The following DIP2C variants were observed in gnomAD, a reference collection of about 807,000 sequenced individuals.
DIP2C encodes the protein disco-interacting protein 2 homolog C.
Under a neutral mutation model 192.4 loss-of-function variants are expected in DIP2C, and 33 were observed. The observed-to-expected ratio is 0.17, with a 90% CI of 0.13 to 0.23. DIP2C has a LOEUF of 0.23. DIP2C is among the 10% of genes least tolerant of loss of function. The probability of loss-of-function intolerance (pLI) is 1.00; values close to 1 mark genes in which losing one functional copy is unlikely to be tolerated. For missense variants in DIP2C, 1,537 were observed against 2,110.1 expected, an observed-to-expected ratio of 0.73 and a Z score of 5.32; for synonymous variants, 979 against 864.1, an observed-to-expected ratio of 1.13 and a Z score of -2.33.
chr10:548,911 C>CAAAAAAAAAAAAAAAAAAAAAAAAAAAAA (rs61437915), intron 1 of DIP2C, among the ~76,000 whole-genome samples: 2 of 26,458 alleles, frequency 7.6e-5, no homozygotes, highest in African/African-American at 1.3e-4. Flanking sequence ...TAGCAGCTCA[C>CAAAAAAAAAAAAAAAAAAAAAAAAAAAAA]AAAAAAAAAA....
intron 17 of DIP2C, among the ~76,000 whole-genome samples, chr10:381,440 A>T (rs116110808): frequency 2.0e-3 from 305 of 152,248 alleles, no homozygotes; most frequent in African/African-American, 6.5e-3. Flanking sequence ...TGTTGAGCCC[A>T]ATCACGCCAA....
intron 2 of DIP2C, among the ~76,000 whole-genome samples, chr10:479,626 G>T (rs780804548): frequency 1.3e-5 from 2 of 152,052 alleles, no homozygotes; most frequent in African/African-American, 4.8e-5. Flanking sequence ...GAGCCAATGC[G>T]CCCGTCCCCA....
chr10:635,404 AGACGTCCTG>A (rs1854770450), intron 1 of DIP2C, among the ~76,000 whole-genome samples: 1 of 152,248 alleles, frequency 6.6e-6, no homozygotes, highest in South Asian at 2.1e-4. Flanking sequence ...ATGGATGGAT[AGACGTCCTG>A]GACAGACACT....
intron 3 of DIP2C, among the ~76,000 whole-genome samples, chr10:447,992 C>G (rs1381195380): frequency 8.1e-6 from 1 of 123,748 alleles, no homozygotes; most frequent in Non-Finnish European, 1.6e-5. Flanking sequence ...GGATCACACA[C>G]AGTGGGGCAG....
chr10:590,434 C>A (rs945268266), intron 1 of DIP2C, among the ~76,000 whole-genome samples: 1 of 152,242 alleles, frequency 6.6e-6, no homozygotes, highest in Non-Finnish European at 1.5e-5. Flanking sequence ...CCTGGTGACA[C>A]AAGGCCCAGT....
intron 9 of DIP2C, among the ~76,000 whole-genome samples, chr10:401,028 T>C (rs555018285): frequency 5.0e-4 from 64 of 126,904 alleles, no homozygotes; most frequent in East Asian, 1.4e-3. Flanking sequence ...TTTACACGTG[T>C]GGTAGCATTA....
rs1044624783 is a variant in DIP2C, at chr10:362,417, C to G, written c.2794+73G>C. 6.6e-6 allele frequency: 10 copies of G among 1,519,074 alleles called. No homozygotes were observed. The Admixed American group carries it at 1.8e-4, about 27-fold the overall frequency. 94.1% of individuals were successfully genotyped at this position (1,519,074 alleles called of 1,614,324 possible). On this transcript the variant is annotated intron_variant, in intron 22 of 36. Coordinates refer to ENST00000280886, the MANE Select transcript of DIP2C (RefSeq NM_014974.3). ...TCCTGCAAGCAGCCCTGGGTGAACT[C>G]CCGCACCTCCCAGTGCCGTGCAGCC...
chr10:385,333 G>A (rs1428998704), intron 14 of DIP2C, among the ~76,000 whole-genome samples: 1 of 152,174 alleles, frequency 6.6e-6, no homozygotes, highest in Non-Finnish European at 1.5e-5. Context: ...CATGAAAAGC[G>A]ACTTCCCAAG....
intron 1 of DIP2C, among the ~76,000 whole-genome samples, chr10:576,173 A>G (rs1420064989): frequency 1.3e-5 from 2 of 152,222 alleles, no homozygotes; most frequent in Non-Finnish European, 2.9e-5. Context: ...AGAATGTCAC[A>G]TGTCCAGCAT....
At chr10:450,196 A>G (rs562682250) in intron 3 of DIP2C, among the ~76,000 whole-genome samples, 2 of 152,302 alleles carry the variant, frequency 1.3e-5, no homozygotes, top group South Asian at 2.1e-4. Context: ...GGCATTTGTC[A>G]GGGTCTGGCA....
At chr10:681,540 G>T (rs527627020) in intron 1 of DIP2C, among the ~76,000 whole-genome samples, 3 of 151,740 alleles carry the variant, frequency 2.0e-5, no homozygotes, top group Non-Finnish European at 4.4e-5. Flanking sequence ...CAGCCCCTCA[G>T]TTACATGGTA....
chr10:547,179 T>C (rs1055542220), intron 1 of DIP2C, among the ~76,000 whole-genome samples: 1 of 152,202 alleles, frequency 6.6e-6, no homozygotes, highest in African/African-American at 2.4e-5. Flanking sequence ...GCAGCGGGAC[T>C]GAAGTTTGCT....
intron 1 of DIP2C, among the ~76,000 whole-genome samples, chr10:510,427 C>G (rs961161560): frequency 3.9e-5 from 6 of 152,362 alleles, no homozygotes; most frequent in African/African-American, 1.4e-4. Context: ...CGTGCACGTA[C>G]ATGCTCAGCT....
chr10:439,900 A>G (rs1449006810), intron 4 of DIP2C, among the ~76,000 whole-genome samples: 1 of 152,144 alleles, frequency 6.6e-6, no homozygotes, highest in African/African-American at 2.4e-5. Context: ...TGTAGTGGAG[A>G]AAAAAATGGT....
At chr10:433,185 G>A (rs766210996) in intron 4 of DIP2C, among the ~76,000 whole-genome samples, 8 of 152,178 alleles carry the variant, frequency 5.3e-5, no homozygotes, top group Non-Finnish European at 7.3e-5. Flanking sequence ...TTCTGATAAA[G>A]GGGTGTTAAA....
chr10:466,022 G>A (rs575622446), intron 3 of DIP2C, among the ~76,000 whole-genome samples: 5 of 151,782 alleles, frequency 3.3e-5, no homozygotes, highest in Non-Finnish European at 7.4e-5. Flanking sequence ...TTTCTTCACA[G>A]AATTGGAAAA....
intron 1 of DIP2C, among the ~76,000 whole-genome samples, chr10:537,300 T>A (rs906226815): frequency 6.6e-6 from 1 of 152,156 alleles, no homozygotes; most frequent in African/African-American, 2.4e-5. Context: ...AGAATCTCTG[T>A]GATTTCGGGG....
At position 679,735 on chromosome 10, in the gene DIP2C, G is replaced by A. The variant is rs115571902; in HGVS notation, c.85+9759C>T. On this transcript the variant is annotated intron_variant, in intron 1 of 36. Coordinates refer to ENST00000280886, the MANE Select transcript of DIP2C (RefSeq NM_014974.3). ...TGCTCCCTGCATCCGTCCTCCCCAC[G>A]CCCATCTGTGCTCCCCATGCCCATG... Among the ~76,000 whole-genome samples the A allele has an allele frequency of 2.6e-3, 370 of 142,996 alleles. 1 individual carries two copies. Among genetic ancestry groups the A allele is most frequent in the Middle Eastern group, 4.1e-3 (1 of 246 alleles). The allele number at this position is 142,996 out of a possible 152,430, so 93.8% of individuals were successfully genotyped here.
chr10:412,130 C>T (rs1965225666), intron 8 of DIP2C, among the ~76,000 whole-genome samples: 1 of 152,224 alleles, frequency 6.6e-6, no homozygotes, highest in South Asian at 2.1e-4. Flanking sequence ...AAGACACCAA[C>T]CCTGTTCAAA....
Sources: allele counts gnomAD v4.1 joint callset (sites outside exome capture counted in the v4.1 genomes callset), GRCh38; gene constraint gnomAD v4.1.1; transcripts MANE v1.5; gene names NCBI Gene and HGNC (gene_info 2026-07-23, HGNC 2026-07-21).